Variants in ROCK2 observed in about 807,000 individuals in gnomAD.
The protein encoded by ROCK2 is Rho associated coiled-coil containing protein kinase 2, also known as rho-associated protein kinase 2.
In ROCK2, 61 loss-of-function variants were observed where a neutral mutation model predicts 195.1. That is an observed-to-expected ratio of 0.31 (90% CI 0.25 to 0.39). The LOEUF (loss-of-function observed/expected upper bound fraction) is 0.39. Ranked by LOEUF, ROCK2 falls within the 10% of genes least tolerant of loss-of-function variation. The pLI is 1.00. For missense variants in ROCK2, 1,109 were observed against 1,637.4 expected, an observed-to-expected ratio of 0.68 and a Z score of 5.57; for synonymous variants, 504 against 545.5, an observed-to-expected ratio of 0.92 and a Z score of 1.06.
At chr2:11,317,409 T>C (rs1668228447) in intron 1 of ROCK2, among the ~76,000 whole-genome samples, 1 of 151,164 alleles carries the variant, frequency 6.6e-6, no homozygotes, top group South Asian at 2.1e-4. Context: ...GTTACATAAC[T>C]TCTCTAAACC....
chr2:11,332,612 T>C (rs1191771182), intron 1 of ROCK2, among the ~76,000 whole-genome samples: 5 of 152,206 alleles, frequency 3.3e-5, no homozygotes, highest in African/African-American at 1.2e-4. Flanking sequence ...TGTGATAATA[T>C]GGAGAAACTG....
chr2:11,324,888 A>G (rs751332900), intron 1 of ROCK2, among the ~76,000 whole-genome samples: 17 of 152,224 alleles, frequency 1.1e-4, no homozygotes, highest in Non-Finnish European at 2.4e-4. Flanking sequence ...TTCGTTTTCT[A>G]TAAAGAAGTT....
At chr2:11,221,149 T>A in intron 9 of ROCK2, 49 bp downstream of exon 9, 1 of 1,377,228 alleles carries the variant, frequency 7.3e-7, no homozygotes, top group South Asian at 1.6e-5. Flanking sequence ...CATCATCTTA[T>A]AGCTAGATTC....
chr2:11,313,395 T>A (rs1406094656), intron 1 of ROCK2, among the ~76,000 whole-genome samples: 2 of 152,096 alleles, frequency 1.3e-5, no homozygotes, highest in African/African-American at 4.8e-5. Context: ...CTACCATATT[T>A]AAAATATTTT....
intron 4 of ROCK2, among the ~76,000 whole-genome samples, chr2:11,238,077 A>C (rs1410896534): frequency 1.3e-5 from 2 of 152,190 alleles, no homozygotes; most frequent in Non-Finnish European, 2.9e-5. Context: ...GACTTTGACT[A>C]GCGGGGAGAA....
At chr2:11,278,861 G>A (rs1373436094) in intron 3 of ROCK2, among the ~76,000 whole-genome samples, 2 of 152,166 alleles carry the variant, frequency 1.3e-5, no homozygotes, top group East Asian at 1.9e-4. Flanking sequence ...TGATCCACCC[G>A]CCTTGGCCTC....
intron 13 of ROCK2, 76 bp downstream of exon 13, chr2:11,216,082 G>C: frequency 8.9e-7 from 1 of 1,125,276 alleles, no homozygotes; most frequent in Non-Finnish European, 1.4e-6. Context: ...ATGGTACCAA[G>C]AGAGCTCCTT....
intron 3 of ROCK2, among the ~76,000 whole-genome samples, chr2:11,260,149 T>TA (rs1222877543): frequency 6.6e-6 from 1 of 151,358 alleles, no homozygotes; most frequent in Non-Finnish European, 1.5e-5. Context: ...TCAACAGTGT[T>TA]AAAAAGAAGT....
intron 3 of ROCK2, among the ~76,000 whole-genome samples, chr2:11,263,027 G>A (rs1347037277): frequency 6.6e-6 from 1 of 151,990 alleles, no homozygotes; most frequent in Admixed American, 6.6e-5. Context: ...ATCAAATGGG[G>A]GATACAGAAA....
At chr2:11,246,569 G>A (rs1352385920) in intron 4 of ROCK2, among the ~76,000 whole-genome samples, 1 of 151,974 alleles carries the variant, frequency 6.6e-6, no homozygotes, top group East Asian at 1.9e-4. Flanking sequence ...ATGAATAAAA[G>A]TTTTTAAAAT....
chr2:11,339,331 G>C (rs146692337), intron 1 of ROCK2, among the ~76,000 whole-genome samples: 202 of 152,110 alleles, frequency 1.3e-3, no homozygotes, highest in African/African-American at 4.7e-3. Context: ...GTTCACTGTC[G>C]ATTTTTTCAC....
chr2:11,262,657 C>A (rs539722472), intron 3 of ROCK2, among the ~76,000 whole-genome samples: 14 of 152,280 alleles, frequency 9.2e-5, no homozygotes, highest in East Asian at 1.9e-4. Flanking sequence ...CTTGCTGCTC[C>A]TTGCCTTCTG....
intron 3 of ROCK2, among the ~76,000 whole-genome samples, chr2:11,270,227 T>G (rs1666578977): frequency 6.6e-6 from 1 of 152,224 alleles, no homozygotes; most frequent in African/African-American, 2.4e-5. Flanking sequence ...AATTCTTATC[T>G]TTGTTCCTGT....
intron 17 of ROCK2, among the ~76,000 whole-genome samples, chr2:11,213,741 T>A (rs1464293124): frequency 6.6e-6 from 1 of 151,918 alleles, no homozygotes; most frequent in Non-Finnish European, 1.5e-5. Flanking sequence ...AGGTTAGGGA[T>A]GCATCCCATA....
chr2:11,252,594 A>T (rs1176240076), intron 3 of ROCK2, among the ~76,000 whole-genome samples: 3 of 152,190 alleles, frequency 2.0e-5, no homozygotes, highest in Non-Finnish European at 2.9e-5. Context: ...AATGTGGCAC[A>T]TATACACCAT....
At chr2:11,231,280 T>C (rs1276399421) in intron 5 of ROCK2, among the ~76,000 whole-genome samples, 1 of 152,064 alleles carries the variant, frequency 6.6e-6, no homozygotes, top group Non-Finnish European at 1.5e-5. Context: ...CTTGGCTGAC[T>C]GTAACCTCCG....
chr2:11,337,483 C>T (rs887751707), intron 1 of ROCK2, among the ~76,000 whole-genome samples: 1 of 152,104 alleles, frequency 6.6e-6, no homozygotes, highest in Non-Finnish European at 1.5e-5. Context: ...AGAAAAAGTA[C>T]ATCATTCATC....
chr2:11,249,558 A>C, intron 4 of ROCK2, 103 bp downstream of exon 4: 1 of 887,666 alleles, frequency 1.1e-6, no homozygotes, highest in Non-Finnish European at 1.6e-6. Context: ...CTGCACTGTT[A>C]CCATGTAAAT....
chr2:11,303,186 T>G (rs1488551325), intron 1 of ROCK2, among the ~76,000 whole-genome samples: 2 of 152,228 alleles, frequency 1.3e-5, no homozygotes, highest in East Asian at 3.8e-4. Context: ...TTCAGGATCC[T>G]CCAGGATAAA....
Sources: gnomAD v4.1 joint callset for allele counts (sites outside exome capture counted in the v4.1 genomes callset) on GRCh38, gnomAD v4.1.1 for gene constraint, MANE v1.5 for transcripts, NCBI Gene and HGNC (gene_info 2026-07-23, HGNC 2026-07-21) for gene names.